Variants in ITIH6 observed in about 807,000 individuals in gnomAD.
ITIH6 encodes the protein inter-alpha-trypsin inhibitor heavy chain family member 6, also known as inter-alpha-trypsin inhibitor heavy chain H6.
A neutral mutation model predicts 58.2 loss-of-function variants in ITIH6; 60 were observed. The ratio of observed to expected loss-of-function variants is 1.03; its 90% CI spans 0.84 to 1.28. The LOEUF (loss-of-function observed/expected upper bound fraction) is 1.28, where lower values mean the gene tolerates loss of function less well. ITIH6 is among the 50% of genes most tolerant of loss of function. ITIH6 has a pLI of 0.00. For missense variants in ITIH6, 1,290 were observed against 1,021.1 expected (o/e 1.26, Z -3.59); for synonymous variants, 493 against 417.4 (o/e 1.18, Z -2.21).
intron 5 of ITIH6, among the ~76,000 whole-genome samples, chrX:54,780,997 T>A (rs779997666): frequency 9.2e-6 from 1 of 109,006 alleles, no homozygotes; most frequent in African/African-American, 3.3e-5. Flanking sequence ...GAGGAAAGAG[T>A]TTCCTATTCA....
chrX:54,789,923 T>C (rs1929312754), intron 4 of ITIH6, among the ~76,000 whole-genome samples: 1 of 107,475 alleles, frequency 9.3e-6, no homozygotes, highest in South Asian at 4.2e-4. Context: ...ATGGGAAAAG[T>C]GAAGTCGAGC....
intron 6 of ITIH6, among the ~76,000 whole-genome samples, chrX:54,770,073 G>C (rs1364953475): frequency 8.9e-6 from 1 of 112,311 alleles, no homozygotes; most frequent in East Asian, 2.8e-4. Flanking sequence ...GTGGGATATA[G>C]TCTCATGGTG....
rs1929011333 is a variant in ITIH6 at position 54,774,207 on chromosome X, A to C, written c.787-10T>G. 2.3e-5 allele frequency: 10 copies of C among 429,108 alleles called. No individual in the cohort carries two copies. The highest frequency in any genetic ancestry group is 3.0e-5 in the Non-Finnish European group (9 of 300,937). The allele number at this position is 429,108 out of a possible 1,213,427, so 35.4% of individuals were successfully genotyped here. A position where few individuals can be genotyped will look rare whatever the true frequency, so the allele number is the denominator to read the frequency against. On this transcript the variant is annotated splice_polypyrimidine_tract_variant and intron_variant, in intron 5 of 12. Transcript: ENST00000218436. ...AATAGTCATCGTAAATCTGGACCAAAAAAAAAAAAAAAAAAGTAGAACCAA... is the reference window on the plus strand; with the variant it reads ...AATAGTCATCGTAAATCTGGACCAACAAAAAAAAAAAAAAAGTAGAACCAA...
intron 6 of ITIH6, among the ~76,000 whole-genome samples, chrX:54,762,788 T>A (rs942545276): frequency 2.7e-5 from 3 of 112,066 alleles, no homozygotes; most frequent in African/African-American, 9.7e-5. Flanking sequence ...TTGTCTCCCT[T>A]CTCCATGGCA....
intron 7 of ITIH6, 96 bp downstream of exon 7, chrX:54,759,660 T>G: frequency 2.4e-5 from 16 of 675,148 alleles, no homozygotes; most frequent in Non-Finnish European, 3.3e-5. Context: ...TCAGGAACTG[T>G]GAGAGTTGAG....
intron 5 of ITIH6, among the ~76,000 whole-genome samples, chrX:54,785,397 A>G (rs1468362674): frequency 8.9e-6 from 1 of 111,864 alleles, no homozygotes; most frequent in Non-Finnish European, 1.9e-5. Flanking sequence ...ACAGGGATAC[A>G]TGCTTGAGGG....
chrX:54,794,066 G>A (rs1254259485), intron 2 of ITIH6, among the ~76,000 whole-genome samples: 7 of 111,381 alleles, frequency 6.3e-5, no homozygotes, highest in Non-Finnish European at 1.9e-5. Flanking sequence ...AGCACTGGGG[G>A]AAGATAGGCT....
chrX:54,766,687 A>C (rs1198911871), intron 6 of ITIH6, among the ~76,000 whole-genome samples: 1 of 92,938 alleles, frequency 1.1e-5, no homozygotes, highest in Non-Finnish European at 2.1e-5. Flanking sequence ...ATGCTGGATT[A>C]CATTTATTGA....
chrX:54,795,040 T>C (rs979732574), intron 2 of ITIH6, among the ~76,000 whole-genome samples: 3 of 111,799 alleles, frequency 2.7e-5, no homozygotes, highest in African/African-American at 9.8e-5. Context: ...GTCTCTCAGA[T>C]CCACCACCAC....
chrX:54,793,242 T>TA lies in ITIH6; in HGVS notation c.258-1207dup, dbSNP rs750839878. On this transcript the variant is annotated intron_variant, in intron 2 of 12. Transcript: ENST00000218436. ...TACATCATGGAATACTATGCAGCCATAAAAATGATGAGTTCATGTCCTTTG... is the reference window on the plus strand; with the variant it reads ...TACATCATGGAATACTATGCAGCCATAAAAAATGATGAGTTCATGTCCTTTG... 1.2e-3 allele frequency among the ~76,000 whole-genome samples: 138 copies of TA among 111,677 alleles called. 2 individuals are homozygous for TA. Among genetic ancestry groups the TA allele is most frequent in the African/African-American group, 3.9e-3 (121 of 30,709 alleles).
chrX:54,794,750 C>T (rs149400039), intron 2 of ITIH6, among the ~76,000 whole-genome samples: 4 of 111,327 alleles, frequency 3.6e-5, no homozygotes, highest in South Asian at 3.7e-4. Context: ...CAGGGACAAG[C>T]GGGGCTGAAC....
At position 54,765,503 on chromosome X, in the gene ITIH6, T is replaced by C. The variant is rs1602055590; in HGVS notation, c.904-5576A>G. Among the ~76,000 whole-genome samples the C allele has an allele frequency of 4.6e-5, 5 of 109,277 alleles. 1 individual carries two copies. 94.9% of individuals were successfully genotyped at this position (109,277 alleles called of 115,157 possible). Reference sequence around the variant, plus strand: ...TGGCTAGCCAGTTTTCCCAGCACCATTTATTAAATAGGGAATCATTTCCCC... The same window carrying C: ...TGGCTAGCCAGTTTTCCCAGCACCACTTATTAAATAGGGAATCATTTCCCC... On this transcript the variant is annotated intron_variant, in intron 6 of 12. Transcript: ENST00000218436.
chrX:54,760,658 A>G (rs1254645710), intron 6 of ITIH6, among the ~76,000 whole-genome samples: 1 of 110,820 alleles, frequency 9.0e-6, no homozygotes, highest in South Asian at 3.9e-4. Context: ...TCATTGTTCA[A>G]TTCCCACCTA....
At chrX:54,792,777 CT>C (rs1180085263) in intron 2 of ITIH6, among the ~76,000 whole-genome samples, 1 of 111,792 alleles carries the variant, frequency 8.9e-6, no homozygotes, top group Non-Finnish European at 1.9e-5. Flanking sequence ...GGAGAGAACA[CT>C]TTTGCCCAAG....
chrX:54,796,683 C>CAAAAAA (rs11368671), intron 2 of ITIH6, among the ~76,000 whole-genome samples: 1 of 78,418 alleles, frequency 1.3e-5, no homozygotes, highest in Non-Finnish European at 2.5e-5. Flanking sequence ...GACTCCATGT[C>CAAAAAA]AAAAAAAAAA....
intron 6 of ITIH6, among the ~76,000 whole-genome samples, chrX:54,763,414 T>G (rs867364072): frequency 1.8e-5 from 2 of 112,006 alleles, no homozygotes; most frequent in African/African-American, 6.5e-5. Context: ...TGACCGGGAA[T>G]AGACTGTAGA....
chrX:54,759,254 C>T (rs1602052477), intron 7 of ITIH6, among the ~76,000 whole-genome samples: 1 of 110,709 alleles, frequency 9.0e-6, no homozygotes, highest in African/African-American at 3.3e-5. Flanking sequence ...GGTGCAGGGT[C>T]GAGGGGGGAG....
At chrX:54,750,453 C>T (rs754214885) in intron 12 of ITIH6, among the ~76,000 whole-genome samples, 1 of 111,333 alleles carries the variant, frequency 9.0e-6, no homozygotes, top group East Asian at 2.8e-4. Flanking sequence ...TGATGTGAGC[C>T]TCTGCCTCAG....
chrX:54,790,743 A>G, intron 4 of ITIH6, 94 bp downstream of exon 4: 1 of 1,067,991 alleles, frequency 9.4e-7, no homozygotes, highest in Non-Finnish European at 1.3e-6. Context: ...AGTACAGAGC[A>G]GAAGTGGCAC....
Sources: gnomAD v4.1 joint callset for allele counts (sites outside exome capture counted in the v4.1 genomes callset) on GRCh38, gnomAD v4.1.1 for gene constraint, MANE v1.5 for transcripts, NCBI Gene and HGNC (gene_info 2026-07-23, HGNC 2026-07-21) for gene names.